Variants in SLC25A26 observed in about 807,000 individuals in gnomAD.
The protein encoded by SLC25A26 is mitochondrial S-adenosylmethionine carrier protein.
In SLC25A26, 36 loss-of-function variants were observed where a neutral mutation model predicts 37.8. The observed-to-expected ratio is 0.95, with a 90% CI of 0.73 to 1.26. SLC25A26 has a LOEUF of 1.26. Ranked by LOEUF, SLC25A26 falls within the 50% of genes most tolerant of loss-of-function variation. The probability of loss-of-function intolerance (pLI) is 0.00; values close to 1 mark genes in which losing one functional copy is unlikely to be tolerated. For synonymous variants in SLC25A26, 129 were observed against 122.5 expected, an observed-to-expected ratio of 1.05 and a Z score of -0.35; for missense variants, 390 against 331.1, an observed-to-expected ratio of 1.18 and a Z score of -1.38.
intron 5 of SLC25A26, among the ~76,000 whole-genome samples, chr3:66,329,116 G>A (rs2075909729): frequency 6.6e-6 from 1 of 152,190 alleles, no homozygotes; most frequent in African/African-American, 2.4e-5. Flanking sequence ...ATATGGATAT[G>A]TGACTTTTTT....
intron 5 of SLC25A26, among the ~76,000 whole-genome samples, chr3:66,294,306 C>G (rs566418175): frequency 2.0e-5 from 3 of 152,108 alleles, no homozygotes; most frequent in African/African-American, 7.2e-5. Flanking sequence ...GGAGTTCATT[C>G]CTGATAGGTC....
chr3:66,243,502 A>G (rs2072684783), intron 3 of SLC25A26, among the ~76,000 whole-genome samples, 190 bp downstream of exon 3: 1 of 152,240 alleles, frequency 6.6e-6, no homozygotes, highest in Non-Finnish European at 1.5e-5. Context: ...AGCCTTATAT[A>G]GGACAGAAGA....
At chr3:66,253,866 C>T (rs2073193314) in intron 3 of SLC25A26, among the ~76,000 whole-genome samples, 1 of 152,018 alleles carries the variant, frequency 6.6e-6, no homozygotes, top group South Asian at 2.1e-4. Context: ...TGGCTCATTT[C>T]TGTTATGGAA....
chr3:66,352,420 C>CGTTTT (rs2076474672), intron 6 of SLC25A26, among the ~76,000 whole-genome samples: 1 of 140,430 alleles, frequency 7.1e-6, no homozygotes, highest in African/African-American at 3.0e-5. Context: ...CGCCTCCCCT[C>CGTTTT]GTTTTTTGTT....
At position 66,303,100 on chromosome 3, in the gene SLC25A26, G is replaced by C. The variant is rs1022264990; in HGVS notation, c.453+39721G>C. 2.0e-5 allele frequency among the ~76,000 whole-genome samples: 3 copies of C among 152,160 alleles called. No individual in the cohort carries two copies. The South Asian group carries it at 6.2e-4, about 31-fold the overall frequency. Reference sequence around the variant, plus strand: ...CCCTGGGAGGTTGAAAGATGCAGAAGACATTATAATATAGTAGTTATCATG... The same window carrying C: ...CCCTGGGAGGTTGAAAGATGCAGAACACATTATAATATAGTAGTTATCATG... On this transcript the variant is annotated intron_variant, in intron 5 of 9. Transcript: ENST00000354883.
chr3:66,373,988 C>T (rs1480211951), intron 9 of SLC25A26, among the ~76,000 whole-genome samples: 3 of 150,620 alleles, frequency 2.0e-5, no homozygotes, highest in Non-Finnish European at 1.5e-5. Flanking sequence ...CTCCAGGCCA[C>T]CAGCTTGCTT....
intron 3 of SLC25A26, among the ~76,000 whole-genome samples, chr3:66,253,401 CAAA>C (rs782156766): frequency 2.0e-5 from 2 of 100,784 alleles, no homozygotes; most frequent in African/African-American, 3.7e-5. Flanking sequence ...GACTCCATCT[CAAA>C]AAAAAAAAAA....
intron 1 of SLC25A26, among the ~76,000 whole-genome samples, chr3:66,193,772 A>G (rs1576630201): frequency 1.3e-5 from 2 of 152,200 alleles, no homozygotes; most frequent in African/African-American, 4.8e-5. Flanking sequence ...AAGACCTAGA[A>G]ACTCATGGTA....
At chr3:66,326,603 G>C (rs781035216) in intron 5 of SLC25A26, among the ~76,000 whole-genome samples, 21 of 152,236 alleles carry the variant, frequency 1.4e-4, no homozygotes, top group Non-Finnish European at 2.8e-4. Flanking sequence ...TGCAGACACA[G>C]ATGGTTGGGT....
chr3:66,268,023 G>C (rs1484409790), intron 5 of SLC25A26, among the ~76,000 whole-genome samples: 1 of 152,090 alleles, frequency 6.6e-6, no homozygotes, highest in Non-Finnish European at 1.5e-5. Flanking sequence ...TGTTTTTCCA[G>C]AGACACTCTA....
intron 7 of SLC25A26, among the ~76,000 whole-genome samples, chr3:66,365,083 T>C (rs2076796250): frequency 6.6e-6 from 1 of 152,238 alleles, no homozygotes; most frequent in Admixed American, 6.5e-5. Context: ...AGTGAGATTC[T>C]GTAAGAGTTG....
chr3:66,297,838 T>G (rs1473681678), intron 5 of SLC25A26, among the ~76,000 whole-genome samples: 1 of 152,256 alleles, frequency 6.6e-6, no homozygotes, highest in Non-Finnish European at 1.5e-5. Context: ...GACTAGATCA[T>G]CTTTGAGGGC....
Position 66,209,337 on chromosome 3 carries a change from A to G in SLC25A26, c.-353-11405A>G, listed in dbSNP as rs925592406. On this transcript the variant is annotated intron_variant, in intron 1 of 10. Transcript: ENST00000676754. ...TACATATATATCTATATGTATGTAT[A>G]TATACATATGTATATATATCTGTAT... Among the ~76,000 whole-genome samples the G allele has an allele frequency of 0.013, 1,763 of 139,932 alleles. 134 individuals are homozygous for G. The East Asian group carries it at 0.19, about 15-fold the overall frequency. The allele number at this position is 139,932 out of a possible 152,430, so 91.8% of individuals were successfully genotyped here. A position where few individuals can be genotyped will look rare whatever the true frequency, so the allele number is the denominator to read the frequency against.
intron 1 of SLC25A26, among the ~76,000 whole-genome samples, chr3:66,191,447 T>C (rs988983287): frequency 2.0e-5 from 3 of 152,038 alleles, no homozygotes; most frequent in East Asian, 1.9e-4. Context: ...AACTCAGTTT[T>C]AGACATTCCT....
intron 5 of SLC25A26, among the ~76,000 whole-genome samples, chr3:66,316,855 A>G (rs772689143): frequency 1.7e-4 from 26 of 152,040 alleles, no homozygotes; most frequent in Non-Finnish European, 2.9e-4. Context: ...GCAAGATGGT[A>G]TTCAAGTTCT....
At chr3:66,139,306 C>T (rs766659813) in intron 1 of SLC25A26, among the ~76,000 whole-genome samples, 1 of 152,184 alleles carries the variant, frequency 6.6e-6, no homozygotes, top group African/African-American at 2.4e-5. Flanking sequence ...CCTCTTATTT[C>T]TCCATTTTTG....
At chr3:66,253,239 C>T (rs1193448525) in intron 3 of SLC25A26, among the ~76,000 whole-genome samples, 1 of 150,068 alleles carries the variant, frequency 6.7e-6, no homozygotes, top group African/African-American at 2.5e-5. Context: ...AAGCTTGTCT[C>T]TAAAAAAAAA....
intron 5 of SLC25A26, among the ~76,000 whole-genome samples, chr3:66,336,820 T>C (rs964215874): frequency 2.1e-4 from 32 of 152,180 alleles, no homozygotes; most frequent in African/African-American, 7.5e-4. Context: ...GGAACATATG[T>C]ATATGTGTGT....
chr3:66,376,985 G>A (rs898297152), intron 9 of SLC25A26, among the ~76,000 whole-genome samples: 3 of 151,960 alleles, frequency 2.0e-5, no homozygotes, highest in Non-Finnish European at 2.9e-5. Flanking sequence ...TGTTTATACT[G>A]TGCCATAACT....
Sources: gnomAD v4.1 joint callset for allele counts (sites outside exome capture counted in the v4.1 genomes callset) on GRCh38, gnomAD v4.1.1 for gene constraint, MANE v1.5 for transcripts, NCBI Gene and HGNC (gene_info 2026-07-23, HGNC 2026-07-21) for gene names.